Variants in STEAP3 observed in about 807,000 individuals in gnomAD.
The protein encoded by STEAP3 is metalloreductase STEAP3.
STEAP3 carries 35 observed loss-of-function variants against 34.9 expected under a neutral mutation model. The observed-to-expected ratio is 1.00, with a 90% confidence interval of 0.76 to 1.33. The LOEUF (loss-of-function observed/expected upper bound fraction) is 1.33. STEAP3 is among the 40% of genes most tolerant of loss of function. The probability of loss-of-function intolerance (pLI) is 0.00; values close to 1 mark genes in which losing one functional copy is unlikely to be tolerated. For missense variants in STEAP3, 652 were observed against 667.6 expected (o/e 0.98, Z 0.26); for synonymous variants, 281 against 301.6 (o/e 0.93, Z 0.71).
At chr2:119,238,057 C>G (rs532005255) in intron 2 of STEAP3, among the ~76,000 whole-genome samples, 6 of 152,234 alleles carry the variant, frequency 3.9e-5, no homozygotes, top group Non-Finnish European at 8.8e-5. Context: ...TTTGTTTAAC[C>G]ATTCCTCAGT....
chr2:119,261,703 C>T (rs967965370), intron 5 of STEAP3, among the ~76,000 whole-genome samples: 4 of 152,246 alleles, frequency 2.6e-5, no homozygotes, highest in Non-Finnish European at 5.9e-5. Flanking sequence ...CCAGCACCAA[C>T]AGTAGAACCT....
In STEAP3 at chr2:119,248,051, C is replaced by T. The variant is rs1235892875; in HGVS notation, c.895C>T (p.Gln299Ter). 6.2e-7 allele frequency: 1 copy of T among 1,608,948 alleles called. No homozygotes were observed. Residue 299 changes from glutamine to a stop codon, truncating the protein, a stop_gained, in exon 4 of 6, where the codon CAG becomes TAG. Transcript: ENST00000393110. LOFTEE classifies it high-confidence loss of function. ...ALQLRRGTKYQRFPDWLDHWL... is the reference protein window; with the variant it reads ...ALQLRRGTKY ...GCAGCTGCGGCGCGGCACCAAGTAC[C>T]AGCGCTTCCCCGACTGGCTGGACCA...
chr2:119,234,645 G>T (rs1008578134), intron 2 of STEAP3, among the ~76,000 whole-genome samples: 1 of 152,192 alleles, frequency 6.6e-6, no homozygotes, highest in South Asian at 2.1e-4. Context: ...AGGTACTCTG[G>T]GAATAACAAA....
chr2:119,235,862 C>G (rs1326937171), intron 2 of STEAP3, among the ~76,000 whole-genome samples: 1 of 152,132 alleles, frequency 6.6e-6, no homozygotes, highest in East Asian at 1.9e-4. Context: ...ATGTTGGGAC[C>G]AGCATCCCCT....
intron 5 of STEAP3, 68 bp downstream of exon 5, chr2:119,254,916 T>C: frequency 1.3e-6 from 2 of 1,553,016 alleles, no homozygotes; most frequent in South Asian, 1.2e-5. Context: ...GAGTAAGTGC[T>C]CTGCCTTTGA....
chr2:119,231,780 T>G (rs1263547484), intron 2 of STEAP3, among the ~76,000 whole-genome samples: 1 of 152,174 alleles, frequency 6.6e-6, no homozygotes, highest in Non-Finnish European at 1.5e-5. Context: ...ACAAGAAATA[T>G]AACAGTAAAA....
At chr2:119,252,228 C>T (rs971287538) in intron 4 of STEAP3, among the ~76,000 whole-genome samples, 8 of 152,234 alleles carry the variant, frequency 5.3e-5, no homozygotes, top group Non-Finnish European at 1.0e-4. Context: ...AAACGTAATG[C>T]TTTTAGTCCT....
Position 119,225,230 on chromosome 2 carries a change from G to T in STEAP3, c.-394+1342G>T, listed in dbSNP as rs186157414. Among the ~76,000 whole-genome samples, 759 of 152,368 alleles carry T rather than the reference G, an allele frequency of 5.0e-3. 3 individuals carry two copies. Among genetic ancestry groups the T allele is most frequent in the South Asian group, 0.014 (68 of 4,822 alleles). On this transcript the variant is annotated intron_variant, in intron 1 of 5. Coordinates refer to ENST00000393110, the MANE Select transcript of STEAP3 (RefSeq NM_182915.3). ...CTATGTCTTACTCATCTCTGTCCCT[G>T]GTGGCCTGCAGAGGGGCTGGCAAGG...
At chr2:119,238,162 T>C (rs1203216121) in intron 2 of STEAP3, among the ~76,000 whole-genome samples, 1 of 152,258 alleles carries the variant, frequency 6.6e-6, no homozygotes, top group East Asian at 1.9e-4. Context: ...CTCTTGGATA[T>C]ATAGCTAGGA....
At position 119,245,841 on chromosome 2, in the gene STEAP3, C is replaced by T. The variant is rs778414370; in HGVS notation, c.375C>T (p.Ser125=). ...QLAGKILVDV[S]NPTEQEHLQH... ...CGGGCAAGATCCTGGTGGATGTGAG[C>T]AACCCTACAGAGCAAGAGCACCTTC... Residue 125 remains serine (S), a synonymous_variant, in exon 3 of 6, where the codon AGC becomes AGT. Coordinates refer to ENST00000393110, the MANE Select transcript of STEAP3 (RefSeq NM_182915.3). 5 of 1,614,054 alleles carry T rather than the reference C, an allele frequency of 3.1e-6. No homozygotes were observed. Among genetic ancestry groups the T allele is most frequent in the South Asian group, 2.2e-5 (2 of 91,086 alleles).
rs1009558415 is a variant in STEAP3, at chr2:119,223,871, G to C, written c.-411G>C. 7 of 152,224 alleles carry C rather than the reference G, an allele frequency of 4.6e-5. No individual in the cohort carries two copies. The highest frequency in any genetic ancestry group is 7.3e-5 in the Non-Finnish European group (5 of 68,056). The allele number at this position is 152,224 out of a possible 1,614,324, so 9.4% of individuals were successfully genotyped here. On this transcript the variant is annotated 5_prime_UTR_variant, in exon 1 of 6. Transcript: ENST00000393110. ...GACCTTCAGCTGCCGCGGTCGCTCCGAGCGGCGGGCCGCAGAGGTGAGTGT... is the reference window on the plus strand; with the variant it reads ...GACCTTCAGCTGCCGCGGTCGCTCCCAGCGGCGGGCCGCAGAGGTGAGTGT...
chr2:119,252,617 C>T (rs1158599354), intron 4 of STEAP3, among the ~76,000 whole-genome samples: 1 of 152,104 alleles, frequency 6.6e-6, no homozygotes, highest in East Asian at 1.9e-4. Flanking sequence ...CATCTCTAAA[C>T]ATAGAGACTT....
intron 1 of STEAP3, among the ~76,000 whole-genome samples, chr2:119,229,412 C>T (rs1372325483): frequency 6.6e-6 from 1 of 152,206 alleles, no homozygotes; most frequent in Non-Finnish European, 1.5e-5. Flanking sequence ...GACCATAGAG[C>T]ACCCAGAGTG....
chr2:119,258,210 C>G (rs939959539), intron 5 of STEAP3, among the ~76,000 whole-genome samples: 1 of 152,026 alleles, frequency 6.6e-6, no homozygotes. Context: ...TTTTAACATG[C>G]GAATGCATTA....
intron 4 of STEAP3, 126 bp downstream of exon 4, chr2:119,248,332 T>C: frequency 9.2e-7 from 1 of 1,085,080 alleles, no homozygotes; most frequent in Non-Finnish European, 1.3e-6. Flanking sequence ...AACTGCAGAT[T>C]CTGTTCCAAT....
At chr2:119,231,429 C>T (rs1676933487) in intron 2 of STEAP3, among the ~76,000 whole-genome samples, 1 of 149,816 alleles carries the variant, frequency 6.7e-6, no homozygotes, top group African/African-American at 2.5e-5. Context: ...GAATGCAGGC[C>T]CATTGGGAAT....
At chr2:119,241,970 G>A (rs947736666) in intron 2 of STEAP3, among the ~76,000 whole-genome samples, 1 of 152,220 alleles carries the variant, frequency 6.6e-6, no homozygotes, top group African/African-American at 2.4e-5. Flanking sequence ...GCTGCCCCCT[G>A]GGCAAGAGCC....
Position 119,248,174 on chromosome 2 carries a change from C to A in STEAP3, c.1018C>A (p.Arg340Ser). ...SFCLPLRRAH[R>S]YDLVNLAVKQ... ...CTGCTTGCCGCTGCGCCGCGCCCAC[C>A]GCTACGACCTGGTCAACCTGGCAGT... Residue 340 changes from arginine to serine, a missense_variant, in exon 4 of 6, where the codon CGC (arginine) becomes AGC (serine). Coordinates refer to ENST00000393110, the MANE Select transcript of STEAP3 (RefSeq NM_182915.3). 1 of 1,597,924 alleles carries A rather than the reference C, an allele frequency of 6.3e-7. No homozygotes were observed. The highest frequency in any genetic ancestry group is 8.5e-7 in the Non-Finnish European group (1 of 1,172,236).
intron 5 of STEAP3, among the ~76,000 whole-genome samples, chr2:119,255,212 CTACCTAGACA>C (rs1224958904): frequency 5.9e-5 from 9 of 152,170 alleles, no homozygotes; most frequent in Non-Finnish European, 8.8e-5. Flanking sequence ...GAGTCATCAT[CTACCTAGACA>C]TCCATCTAGG....
Sources: gnomAD v4.1 joint callset for allele counts (sites outside exome capture counted in the v4.1 genomes callset) on GRCh38, gnomAD v4.1.1 for gene constraint, MANE v1.5 for transcripts, NCBI Gene and HGNC (gene_info 2026-07-23, HGNC 2026-07-21) for gene names.